Variants in PTPN3 observed in about 807,000 individuals in gnomAD.
The protein encoded by PTPN3 is protein tyrosine phosphatase non-receptor type 3, also known as tyrosine-protein phosphatase non-receptor type 3.
PTPN3 carries 96 observed loss-of-function variants against 132.7 expected under a neutral mutation model. That is an observed-to-expected ratio of 0.72 (90% confidence interval 0.61 to 0.86). The LOEUF is 0.86. Among genes scored for constraint, PTPN3 ranks in the 40% least tolerant of loss-of-function variants. PTPN3 has a pLI of 0.00. For synonymous variants in PTPN3, 398 were observed against 429.0 expected, an observed-to-expected ratio of 0.93 and a Z score of 0.89; for missense variants, 1,125 against 1,159.6, an observed-to-expected ratio of 0.97 and a Z score of 0.43.
chr9:109,481,460 G>A (rs1846954852), intron 1 of PTPN3, among the ~76,000 whole-genome samples: 1 of 152,150 alleles, frequency 6.6e-6, no homozygotes, highest in African/African-American at 2.4e-5. Flanking sequence ...CCCAGGTGGT[G>A]CCAAGCTTGT....
chr9:109,414,031 T>C (rs1271612181), intron 14 of PTPN3, among the ~76,000 whole-genome samples: 1 of 152,188 alleles, frequency 6.6e-6, no homozygotes, highest in Non-Finnish European at 1.5e-5. Context: ...CCTAGTGCTC[T>C]TTCTGTTCCT....
At chr9:109,508,744 G>A in the PTPN3 span, among the ~76,000 whole-genome samples, 1 of 152,196 alleles carries the variant, frequency 6.6e-6, no homozygotes, top group African/African-American at 2.4e-5. Flanking sequence ...ATAGATAGAT[G>A]TAGAAAGATG....
chr9:109,535,732 C>T, the PTPN3 span, among the ~76,000 whole-genome samples: 2 of 152,102 alleles, frequency 1.3e-5, no homozygotes, highest in Admixed American at 1.3e-4. Flanking sequence ...GTCTTGAACT[C>T]CTGGCCTCAA....
chr9:109,417,601 G>A, intron 14 of PTPN3: 1 of 984,876 alleles, frequency 1.0e-6, no homozygotes, highest in Non-Finnish European at 1.2e-6. Flanking sequence ...GGAGCAATGG[G>A]GGTTCCCAGA....
In PTPN3 at chr9:109,426,891, T is replaced by C. The variant is rs1293070443; in HGVS notation, c.1001+59A>G. 1.1e-5 allele frequency: 17 copies of C among 1,507,260 alleles called. 1 individual carries two copies. The highest frequency in any genetic ancestry group is 3.5e-4 in the Middle Eastern group (2 of 5,788). The allele number at this position is 1,507,260 out of a possible 1,614,324, so 93.4% of individuals were successfully genotyped here. A position where few individuals can be genotyped will look rare whatever the true frequency, so the allele number is the denominator to read the frequency against. On this transcript the variant is annotated intron_variant, in intron 12 of 25. Coordinates refer to ENST00000374541, the MANE Select transcript of PTPN3 (RefSeq NM_002829.4). ...CCTAACAATGTCCTCTATTCACTGA[T>C]GACCAGGATGCATTTACATCTCAGC...
chr9:109,534,122 T>A, the PTPN3 span: 1 of 791,714 alleles, frequency 1.3e-6, no homozygotes, highest in Admixed American at 1.7e-5. Context: ...GCATATCCGT[T>A]CCTTAAGTTG....
intron 13 of PTPN3, among the ~76,000 whole-genome samples, chr9:109,421,881 C>T (rs1312701122): frequency 6.6e-6 from 1 of 152,194 alleles, no homozygotes; most frequent in African/African-American, 2.4e-5. Context: ...TACAGCCACG[C>T]ACTCTTACTC....
intron 1 of PTPN3, among the ~76,000 whole-genome samples, chr9:109,484,627 C>T (rs1279350861): frequency 2.6e-5 from 4 of 152,180 alleles, no homozygotes; most frequent in Non-Finnish European, 5.9e-5. Flanking sequence ...GACTGAGGTG[C>T]CTGGACTTCA....
the PTPN3 span, among the ~76,000 whole-genome samples, chr9:109,509,647 A>T: frequency 6.6e-6 from 1 of 152,352 alleles, no homozygotes; most frequent in South Asian, 2.1e-4. Flanking sequence ...TACTAAGGCC[A>T]GTGTATTATT....
At chr9:109,394,342 T>C (rs1161037468) in intron 19 of PTPN3, among the ~76,000 whole-genome samples, 1 of 152,274 alleles carries the variant, frequency 6.6e-6, no homozygotes, top group African/African-American at 2.4e-5. Flanking sequence ...TTAATTACCA[T>C]AAGACTTTAA....
the PTPN3 span, chr9:109,534,334 G>A: frequency 6.6e-7 from 1 of 1,517,726 alleles, no homozygotes; most frequent in Non-Finnish European, 8.8e-7. Flanking sequence ...GCTGCTCAAG[G>A]TTGTGGTGAT....
chr9:109,437,907 A>C (rs923905655), intron 8 of PTPN3, among the ~76,000 whole-genome samples: 1 of 152,234 alleles, frequency 6.6e-6, no homozygotes, highest in African/African-American at 2.4e-5. Context: ...CTATCACCCT[A>C]AACTCTTACT....
chr9:109,511,018 C>T, the PTPN3 span, among the ~76,000 whole-genome samples: 5 of 151,904 alleles, frequency 3.3e-5, no homozygotes, highest in African/African-American at 1.2e-4. Flanking sequence ...ATATCAAACA[C>T]AAAACTTTAA....
the PTPN3 span, among the ~76,000 whole-genome samples, chr9:109,528,062 TC>T: frequency 1.3e-5 from 2 of 152,070 alleles, no homozygotes; most frequent in African/African-American, 4.8e-5. Flanking sequence ...ACATGATATC[TC>T]CCCCATCACT....
intron 22 of PTPN3, among the ~76,000 whole-genome samples, chr9:109,387,887 G>C (rs554659546): frequency 3.3e-5 from 5 of 152,340 alleles, no homozygotes; most frequent in Non-Finnish European, 7.3e-5. Flanking sequence ...CCTCAAGGGA[G>C]AGCACAAAGA....
chr9:109,396,137 C>T (rs915623642), intron 19 of PTPN3, among the ~76,000 whole-genome samples: 6 of 152,330 alleles, frequency 3.9e-5, no homozygotes, highest in African/African-American at 1.2e-4. Context: ...GCTGGGATTA[C>T]AGCCGTGAGC....
chr9:109,414,251 C>T (rs1247451541), intron 14 of PTPN3, among the ~76,000 whole-genome samples: 1 of 152,234 alleles, frequency 6.6e-6, no homozygotes, highest in Non-Finnish European at 1.5e-5. Flanking sequence ...TCTGCAAGAT[C>T]AGAGCTTCTG....
intron 5 of PTPN3, chr9:109,449,864 T>A: frequency 1.0e-6 from 1 of 985,406 alleles, no homozygotes; most frequent in Non-Finnish European, 1.2e-6. Flanking sequence ...ACTGGCTTTT[T>A]GAGATGGGAA....
chr9:109,408,781 T>TA (rs768982568), intron 16 of PTPN3, among the ~76,000 whole-genome samples: 669 of 62,130 alleles, frequency 0.011, 5 homozygotes, highest in East Asian at 0.038. Flanking sequence ...TTATAATAAT[T>TA]AAAAAAAAAA....
Sources: gnomAD v4.1 joint callset for allele counts (sites outside exome capture counted in the v4.1 genomes callset) on GRCh38, gnomAD v4.1.1 for gene constraint, MANE v1.5 for transcripts, NCBI Gene and HGNC (gene_info 2026-07-23, HGNC 2026-07-21) for gene names.